Variants in SMOC2 observed in about 807,000 individuals in gnomAD.
The protein encoded by SMOC2 is SPARC related modular calcium binding 2.
Under a neutral mutation model 61.4 loss-of-function variants are expected in SMOC2, and 39 were observed. The observed-to-expected ratio is 0.64, with a 90% CI of 0.49 to 0.83. The LOEUF (loss-of-function observed/expected upper bound fraction) is 0.83. SMOC2 is among the 40% of genes least tolerant of loss of function. The pLI is 0.00. For missense variants in SMOC2, 556 were observed against 592.9 expected (o/e 0.94, Z 0.65); for synonymous variants, 247 against 239.9 (o/e 1.03, Z -0.27).
chr6:168,465,646 A>C (rs1487789743), intron 1 of SMOC2, among the ~76,000 whole-genome samples: 1 of 152,246 alleles, frequency 6.6e-6, no homozygotes, highest in Non-Finnish European at 1.5e-5. Flanking sequence ...ATAGGGAATC[A>C]GATGAAACTG....
chr6:168,522,990 C>T (rs1047192591), intron 2 of SMOC2, among the ~76,000 whole-genome samples: 7 of 151,260 alleles, frequency 4.6e-5, no homozygotes, highest in African/African-American at 1.7e-4. Flanking sequence ...GGCAGTTGCC[C>T]AACACTATGA....
chr6:168,551,924 A>G (rs1784139221), intron 7 of SMOC2, among the ~76,000 whole-genome samples: 1 of 152,194 alleles, frequency 6.6e-6, no homozygotes, highest in Non-Finnish European at 1.5e-5. Context: ...ACCAGTAAAA[A>G]CTGAGCAGGC....
intron 2 of SMOC2, among the ~76,000 whole-genome samples, chr6:168,517,920 C>T (rs1036578244): frequency 1.6e-4 from 24 of 152,210 alleles, no homozygotes; most frequent in African/African-American, 5.8e-4. Flanking sequence ...CTGAGGGCGC[C>T]GGAGCGCGAG....
chr6:168,509,554 G>A (rs2749255), intron 1 of SMOC2, among the ~76,000 whole-genome samples: 6 of 62,796 alleles, frequency 9.6e-5, no homozygotes, highest in Non-Finnish European at 2.1e-4. Flanking sequence ...CAAATTAGTC[G>A]ATGAATGTGG....
At chr6:168,652,208 G>T (rs1461555642) in intron 10 of SMOC2, among the ~76,000 whole-genome samples, 1 of 152,120 alleles carries the variant, frequency 6.6e-6, no homozygotes, top group Non-Finnish European at 1.5e-5. Context: ...TAAACTAAAT[G>T]CAAACTAAAA....
At chr6:168,580,416 G>C (rs926515752) in intron 7 of SMOC2, among the ~76,000 whole-genome samples, 2 of 152,190 alleles carry the variant, frequency 1.3e-5, no homozygotes, top group Non-Finnish European at 2.9e-5. Context: ...TTTTAGGGAC[G>C]GAGGCACCTG....
In SMOC2 at chr6:168,553,419, A is replaced by G. The variant is rs1218255549; in HGVS notation, c.637+4216A>G. Among the ~76,000 whole-genome samples the G allele has an allele frequency of 6.6e-6, 1 of 152,196 alleles. No individual in the cohort carries two copies. The highest frequency in any genetic ancestry group is 1.5e-5 in the Non-Finnish European group (1 of 68,036). ...ACATTTTGTAAGATACAGTCTTTTA[A>G]TTATGTAAGATTTAAACAAATGTAA... On this transcript the variant is annotated intron_variant, in intron 7 of 12. Transcript: ENST00000356284. The surrounding 1 kb of genome is among the most constrained non-coding windows in gnomAD (Gnocchi z 4.2).
chr6:168,661,680 A>G (rs1197972662), intron 11 of SMOC2, among the ~76,000 whole-genome samples: 1 of 152,214 alleles, frequency 6.6e-6, no homozygotes, highest in Non-Finnish European at 1.5e-5. Flanking sequence ...ACTTTAATCT[A>G]CAGCTACTTC....
intron 4 of SMOC2, among the ~76,000 whole-genome samples, chr6:168,532,347 A>G (rs1272465631): frequency 6.6e-6 from 1 of 152,140 alleles, no homozygotes; most frequent in Non-Finnish European, 1.5e-5. Flanking sequence ...GGCCAGCTCC[A>G]CGTGTCTCCT....
chr6:168,468,957 C>T (rs1240784351), intron 1 of SMOC2, among the ~76,000 whole-genome samples: 1 of 152,214 alleles, frequency 6.6e-6, no homozygotes, highest in African/African-American at 2.4e-5. Context: ...AGAAGAAACT[C>T]TAGAAGCAGC....
In SMOC2 at chr6:168,482,562, G is replaced by C. The variant is rs1231466140; in HGVS notation, c.85-27353G>C. ...CTTTCTAATTCTTTGTATGAGGCCAGTATTATTCTGATTCCAATGCCAGAC... is the reference window on the plus strand; with the variant it reads ...CTTTCTAATTCTTTGTATGAGGCCACTATTATTCTGATTCCAATGCCAGAC... On this transcript the variant is annotated intron_variant, in intron 1 of 12. Coordinates refer to ENST00000356284, the MANE Select transcript of SMOC2 (RefSeq NM_001166412.2). Among the ~76,000 whole-genome samples the C allele has an allele frequency of 2.6e-5, 4 of 152,000 alleles. No homozygotes were observed. In the East Asian group the frequency reaches 7.7e-4, roughly 29 times the overall value.
intron 8 of SMOC2, among the ~76,000 whole-genome samples, chr6:168,599,863 C>T (rs904062147): frequency 1.4e-5 from 2 of 138,524 alleles, no homozygotes; most frequent in Non-Finnish European, 3.1e-5. Flanking sequence ...CAGTCTTATA[C>T]ACACAATCAC....
intron 9 of SMOC2, among the ~76,000 whole-genome samples, chr6:168,611,182 G>T (rs1442163823): frequency 6.6e-6 from 1 of 152,042 alleles, no homozygotes; most frequent in African/African-American, 2.4e-5. Context: ...GGGCCGTGGT[G>T]TGTCTGTTGG....
At chr6:168,518,745 G>A (rs1407844153) in intron 2 of SMOC2, among the ~76,000 whole-genome samples, 32 of 151,480 alleles carry the variant, frequency 2.1e-4, no homozygotes. Flanking sequence ...GTGTGTGAAT[G>A]TGCATGTGTG....
chr6:168,473,244 TG>T (rs1276050073), intron 1 of SMOC2, among the ~76,000 whole-genome samples: 1 of 151,976 alleles, frequency 6.6e-6, no homozygotes, highest in Admixed American at 6.6e-5. Flanking sequence ...GGCCAGAAAG[TG>T]GATCTCCCTA....
intron 8 of SMOC2, among the ~76,000 whole-genome samples, chr6:168,604,501 T>A (rs1785636860): frequency 6.6e-6 from 1 of 152,178 alleles, no homozygotes; most frequent in African/African-American, 2.4e-5. Context: ...CCAGGTCGCA[T>A]TTCTATTTAA....
At chr6:168,585,403 A>G (rs1415649701) in intron 7 of SMOC2, among the ~76,000 whole-genome samples, 1 of 152,214 alleles carries the variant, frequency 6.6e-6, no homozygotes, top group Non-Finnish European at 1.5e-5. Flanking sequence ...TGCAATTTAC[A>G]TGCATGATTG....
rs184159666 is a variant in SMOC2 at position 168,611,482 on chromosome 6, G to A, written c.907+3243G>A. On this transcript the variant is annotated intron_variant, in intron 9 of 12. Coordinates refer to ENST00000356284, the MANE Select transcript of SMOC2 (RefSeq NM_001166412.2). ...TGGCCCTGCACTGGTTCTCATGTCC[G>A]GGACCCACCGTGGCTCCCGTGTCGG... Among the ~76,000 whole-genome samples the A allele has an allele frequency of 3.0e-3, 380 of 125,508 alleles. 7 individuals carry two copies. The highest frequency in any genetic ancestry group is 0.012 in the African/African-American group (354 of 30,772). 82.3% of individuals were successfully genotyped at this position (125,508 alleles called of 152,430 possible). A position where few individuals can be genotyped will look rare whatever the true frequency, so the allele number is the denominator to read the frequency against.
intron 7 of SMOC2, among the ~76,000 whole-genome samples, chr6:168,562,322 ACACGAGGCTCTCAC>A: frequency 7.3e-6 from 1 of 137,494 alleles, no homozygotes; most frequent in Non-Finnish European, 1.6e-5. Context: ...CTGCCCTGAG[ACACGAGGCTCTCAC>A]TGTGTTCTCG....
Sources: allele counts gnomAD v4.1 joint callset (sites outside exome capture counted in the v4.1 genomes callset), GRCh38; gene constraint gnomAD v4.1.1; non-coding constraint Gnocchi (gnomAD v3.1); transcripts MANE v1.5; gene names NCBI Gene and HGNC (gene_info 2026-07-23, HGNC 2026-07-21).